CWF19L1: variants seen among roughly 807,000 people sequenced by gnomAD.
CWF19L1 encodes CWF19 like cell cycle control factor 1.
CWF19L1 carries 60 observed loss-of-function variants against 69.7 expected under a neutral mutation model. That is an observed-to-expected ratio of 0.86 (90% CI 0.70 to 1.07). CWF19L1 has a LOEUF of 1.07. Among genes scored for constraint, CWF19L1 ranks in the 50% least tolerant of loss-of-function variants. The pLI, the probability that CWF19L1 is intolerant of heterozygous loss-of-function variation, is 0.00. For missense variants in CWF19L1, 591 were observed against 638.9 expected, an observed-to-expected ratio of 0.92 and a Z score of 0.81; for synonymous variants, 209 against 222.2, an observed-to-expected ratio of 0.94 and a Z score of 0.53.
intron 8 of CWF19L1, chr10:100,246,143 G>C (rs1269254109): frequency 2.2e-6 from 1 of 444,888 alleles, no homozygotes; most frequent in African/African-American, 2.0e-5. Flanking sequence ...TTGGAAAAAC[G>C]AGTTAAAATG....
chr10:100,249,074 G>A, intron 7 of CWF19L1: 1 of 525,316 alleles, frequency 1.9e-6, no homozygotes. Context: ...CTGCCCCTGA[G>A]GGGCCACCCT....
At position 100,260,527 on chromosome 10, in the gene CWF19L1, A is replaced by AT. The variant is rs768870380; in HGVS notation, c.188-209dup. Among the ~76,000 whole-genome samples the AT allele has an allele frequency of 7.6e-3, 1,128 of 147,586 alleles. 5 individuals are homozygous for AT. Among genetic ancestry groups the AT allele is most frequent in the Non-Finnish European group, 0.011 (705 of 66,208 alleles). On this transcript the variant is annotated intron_variant, in intron 3 of 13. Transcript: ENST00000354105. The stretch of plus-strand genomic sequence containing the variant: ...GTAGCTTGGCTATTTTATTTATTTT[A>AT]TTTTTTTTTTTTTGAGACAGAGCCT...
At chr10:100,267,241 T>C (rs572101483) in intron 1 of CWF19L1, among the ~76,000 whole-genome samples, 45 of 151,356 alleles carry the variant, frequency 3.0e-4, no homozygotes, top group South Asian at 4.2e-4. Flanking sequence ...CAATGGCTAT[T>C]TGGCGAGTAA....
At chr10:100,262,527 C>A in intron 1 of CWF19L1, 1 of 924,434 alleles carries the variant, frequency 1.1e-6, no homozygotes, top group Non-Finnish European at 1.3e-6. Flanking sequence ...CTACCATACG[C>A]TAAGTACAAT....
Position 100,253,447 on chromosome 10 carries a change from C to T in CWF19L1, c.597G>A (p.Lys199=). ...KPRYHFAALE[K]TYYERLPYRN... ...GATATGGAAGCCTCTCATAATAGGT[C>T]TTTTCCAAAGCAGCAAAATGGTATC... Residue 199 remains lysine (K), a synonymous_variant, in exon 6 of 14, where the codon AAG becomes AAA. Coordinates refer to ENST00000354105, the MANE Select transcript of CWF19L1 (RefSeq NM_018294.6). The T allele has an allele frequency of 6.2e-7, 1 of 1,612,442 alleles. No individual in the cohort carries two copies. The highest frequency in any genetic ancestry group is 8.5e-7 in the Non-Finnish European group (1 of 1,178,488).
At chr10:100,246,647 GA>G in intron 8 of CWF19L1, 147 bp downstream of exon 8, 1 of 823,078 alleles carries the variant, frequency 1.2e-6, no homozygotes, top group Non-Finnish European at 1.8e-6. Context: ...AAGCTTAGCT[GA>G]AATCTACTAA....
At chr10:100,238,341 G>A in intron 10 of CWF19L1, 110 bp from the exon 11 acceptor site, 2 of 873,676 alleles carry the variant, frequency 2.3e-6, no homozygotes, top group Non-Finnish European at 3.6e-6. Context: ...AAGTACTTGA[G>A]GTTATTAATA....
rs568899159 is a variant in CWF19L1 at position 100,237,963 on chromosome 10, T to C, written c.1254+59A>G. 3.8e-5 allele frequency: 57 copies of C among 1,495,218 alleles called. No individual in the cohort carries two copies. The African/African-American group carries it at 5.1e-4, about 13-fold the overall frequency. The allele number at this position is 1,495,218 out of a possible 1,614,324, so 92.6% of individuals were successfully genotyped here. On this transcript the variant is annotated intron_variant, in intron 11 of 13. Coordinates refer to ENST00000354105, the MANE Select transcript of CWF19L1 (RefSeq NM_018294.6). ...CTCGCCCAGCCTATTTAAATACTTA[T>C]TTACCAATATCAAAGTCCCCATAGC...
At chr10:100,266,155 G>A (rs942258760) in intron 1 of CWF19L1, among the ~76,000 whole-genome samples, 28 of 149,964 alleles carry the variant, frequency 1.9e-4, no homozygotes, top group African/African-American at 6.9e-4. Flanking sequence ...CCAGATTCAC[G>A]AATATTTTCT....
rs367694869 is a variant in CWF19L1 at position 100,256,453 on chromosome 10, T to G, written c.313A>C (p.Ser105Arg). The G allele has an allele frequency of 7.2e-5, 117 of 1,614,036 alleles. 1 individual carries two copies. In the East Asian group the frequency reaches 7.6e-4, roughly 10 times the overall value. ...YLGRKGIFTG[S>R]SGLQIVYLSG... The stretch of plus-strand genomic sequence containing the variant: ...AGGTACACAATCTGCAGCCCCGAGC[T>G]TCCAGTGAAGATACCTTTACGACCT... The change falls in exon 5 of 14, where the codon AGC (serine) becomes CGC (arginine). Residue 105 changes from serine to arginine, a missense_variant. By Grantham distance (110) the Ser-to-Arg change is moderately radical. Coordinates refer to ENST00000354105, the MANE Select transcript of CWF19L1 (RefSeq NM_018294.6).
chr10:100,242,755 A>G (rs1012022689), intron 10 of CWF19L1, among the ~76,000 whole-genome samples: 2 of 152,212 alleles, frequency 1.3e-5, no homozygotes, highest in Non-Finnish European at 2.9e-5. Context: ...TTTTAACCCA[A>G]TACAGGTATA....
rs56262807 is a variant in CWF19L1, at chr10:100,241,000, C to CTTTTTT, written c.1044+2692_1044+2697dup. Among the ~76,000 whole-genome samples, 231 of 70,622 alleles carry CTTTTTT rather than the reference C, an allele frequency of 3.3e-3. 42 individuals are homozygous for CTTTTTT. Among genetic ancestry groups the CTTTTTT allele is most frequent in the African/African-American group, 0.013 (204 of 15,570 alleles). 46.3% of individuals were successfully genotyped at this position (70,622 alleles called of 152,430 possible). The stretch of plus-strand genomic sequence containing the variant: ...GACAGGAGTGTGCCACTAATTAAGC[C>CTTTTTT]TTTTTTTTTTTTTTTTTTTTTTTTT... On this transcript the variant is annotated intron_variant, in intron 10 of 13. Coordinates refer to ENST00000354105, the MANE Select transcript of CWF19L1 (RefSeq NM_018294.6).
Position 100,245,783 on chromosome 10 carries a change from G to A in CWF19L1, c.964+16C>T, listed in dbSNP as rs1156920667. ...TTACTGTTCATAGAAGAAACCTCTG[G>A]AATAAAGGTACTTACGAGGTTTGCG... On this transcript the variant is annotated intron_variant, in intron 9 of 13. Coordinates refer to ENST00000354105, the MANE Select transcript of CWF19L1 (RefSeq NM_018294.6). 2 of 1,584,104 alleles carry A rather than the reference G, an allele frequency of 1.3e-6. No individual in the cohort carries two copies. The highest frequency in any genetic ancestry group is 1.7e-6 in the Non-Finnish European group (2 of 1,152,992).
In CWF19L1 at chr10:100,246,814, T is replaced by C. The variant is rs752239734; in HGVS notation, c.830A>G (p.Lys277Arg). The change falls in exon 8 of 14, where the codon AAG becomes AGG. Residue 277 changes from lysine (K) to arginine (R), a missense_variant. By Grantham distance (26) the Lys-to-Arg change is conservative. Around this residue, in one of 3 missense-constraint regions of CWF19L1, gnomAD observed 458 missense variants for 489.3 expected, o/e 0.94. Transcript: ENST00000354105. ...RKSGQEASIG[K>R]QILAPVEESA... is the part of the protein sequence containing the mutation. Reference sequence around the variant, plus strand: ...ACATACCACAGGGGCAAGAATTTGCTTTCCTATGGATGCTTCCTGCCCAGA... The same window carrying C: ...ACATACCACAGGGGCAAGAATTTGCCTTCCTATGGATGCTTCCTGCCCAGA... The C allele has an allele frequency of 6.2e-7, 1 of 1,613,690 alleles. No homozygotes were observed. The highest frequency in any genetic ancestry group is 1.1e-5 in the South Asian group (1 of 91,014).
chr10:100,259,526 C>G (rs943909199), intron 4 of CWF19L1, among the ~76,000 whole-genome samples: 1 of 152,106 alleles, frequency 6.6e-6, no homozygotes. Context: ...ATATACCTAG[C>G]AAGATTGTAT....
chr10:100,253,434 T>C lies in CWF19L1; in HGVS notation c.610A>G (p.Arg204Gly). Residue 204 changes from arginine to glycine, a missense_variant, in exon 6 of 14, where the codon AGG (arginine) becomes GGG (glycine). By Grantham distance (125) the Arg-to-Gly change is moderately radical. Transcript: ENST00000354105. ...FAALEKTYYE[R>G]LPYRNHIILQ... ...AATGCTACTCACCGATATGGAAGCC[T>C]CTCATAATAGGTCTTTTCCAAAGCA... The C allele has an allele frequency of 6.2e-7, 1 of 1,602,358 alleles. No homozygotes were observed. The highest frequency in any genetic ancestry group is 8.6e-7 in the Non-Finnish European group (1 of 1,169,542).
chr10:100,266,464 T>C (rs1426757786), intron 1 of CWF19L1, among the ~76,000 whole-genome samples: 3 of 151,650 alleles, frequency 2.0e-5, no homozygotes, highest in South Asian at 2.1e-4. Context: ...GCTGGGATTA[T>C]AGGCGTGAGC....
At position 100,261,980 on chromosome 10, in the gene CWF19L1, T is replaced by A; in HGVS notation, c.107A>T (p.Asp36Val). Residue 36 changes from aspartate (D) to valine (V), a missense_variant and splice_region_variant, in exon 2 of 14, where the codon GAT (aspartate) becomes GTT (valine). This residue lies in a region of CWF19L1 where 129 missense variants were observed against 131.3 expected (regional missense o/e 0.98). Transcript: ENST00000354105. ...QAIQKKSGNFDLLLCVGNFFG... is the reference protein window; with the variant it reads ...QAIQKKSGNFVLLLCVGNFFG... The stretch of plus-strand genomic sequence containing the variant: ...ATTCAGTAAAAACAAACATCTTACA[T>A]CAAAGTTTCCACTTTTCTTCTGAAT... The A allele has an allele frequency of 6.3e-7, 1 of 1,594,418 alleles. No individual in the cohort carries two copies. Among genetic ancestry groups the A allele is most frequent in the Non-Finnish European group, 8.5e-7 (1 of 1,174,560 alleles).
rs564373644 is a variant in CWF19L1, at chr10:100,259,905, G to A, written c.289+313C>T. ...ATATCGGCCAGGCGCGGTGGCTCAC[G>A]CCTGTAATCCCAGCACTCTGGGAGG... On this transcript the variant is annotated intron_variant, in intron 4 of 13. Coordinates refer to ENST00000354105, the MANE Select transcript of CWF19L1 (RefSeq NM_018294.6). Among the ~76,000 whole-genome samples the A allele has an allele frequency of 2.9e-3, 438 of 152,218 alleles. 4 individuals are homozygous for A. The highest frequency in any genetic ancestry group is 9.9e-3 in the African/African-American group (412 of 41,532).
Sources: gnomAD v4.1 joint callset for allele counts (sites outside exome capture counted in the v4.1 genomes callset) on GRCh38, gnomAD v4.1.1 for gene constraint, gnomAD v4.1.1 regional missense constraint, MANE v1.5 for transcripts, NCBI Gene and HGNC (gene_info 2026-07-23, HGNC 2026-07-21) for gene names.